ATAD2B: variants seen among roughly 807,000 people sequenced by gnomAD.
The protein encoded by ATAD2B is ATPase family AAA domain-containing protein 2B.
Under a neutral mutation model 167.6 loss-of-function variants are expected in ATAD2B, and 40 were observed. The observed-to-expected ratio is 0.24, with a 90% CI of 0.19 to 0.31. The LOEUF (loss-of-function observed/expected upper bound fraction) is 0.31, where lower values mean the gene tolerates loss of function less well. ATAD2B is among the 10% of genes least tolerant of loss of function. ATAD2B has a pLI of 1.00. For synonymous variants in ATAD2B, 579 were observed against 596.5 expected, an observed-to-expected ratio of 0.97 and a Z score of 0.43; for missense variants, 1,242 against 1,757.2, an observed-to-expected ratio of 0.71 and a Z score of 5.24.
At chr2:23,873,467 T>C (rs1469190486) in intron 8 of ATAD2B, among the ~76,000 whole-genome samples, 10 of 152,244 alleles carry the variant, frequency 6.6e-5, no homozygotes, top group East Asian at 3.8e-4. Flanking sequence ...TGTTTGCACA[T>C]TGCATATGGC....
chr2:23,898,481 C>T (rs1323788819), intron 1 of ATAD2B, among the ~76,000 whole-genome samples: 2 of 152,178 alleles, frequency 1.3e-5, no homozygotes, highest in African/African-American at 4.8e-5. Flanking sequence ...CCAGACTGAA[C>T]TGATGTAGAC....
intron 1 of ATAD2B, among the ~76,000 whole-genome samples, chr2:23,911,700 A>G (rs1404153925): frequency 6.6e-6 from 1 of 152,018 alleles, no homozygotes; most frequent in East Asian, 1.9e-4. Context: ...ACTTAAAACC[A>G]GCAGTGACTC....
chr2:23,702,282 C>G, the ATAD2B span, among the ~76,000 whole-genome samples: 3 of 152,198 alleles, frequency 2.0e-5, no homozygotes, highest in Non-Finnish European at 4.4e-5. Flanking sequence ...CATCATAGTT[C>G]AGCCAGCTTA....
At chr2:23,715,678 A>G in the ATAD2B span, among the ~76,000 whole-genome samples, 6 of 152,226 alleles carry the variant, frequency 3.9e-5, no homozygotes, top group Non-Finnish European at 7.3e-5. Context: ...TTCTAGCCAT[A>G]AAATCTTGAG....
chr2:23,837,724 A>G (rs566273079), intron 13 of ATAD2B, among the ~76,000 whole-genome samples: 1 of 152,362 alleles, frequency 6.6e-6, no homozygotes, highest in East Asian at 1.9e-4. Context: ...TTTAATAGAT[A>G]GCAATCTAGG....
intron 6 of ATAD2B, among the ~76,000 whole-genome samples, chr2:23,882,637 T>C (rs766575386): frequency 3.0e-4 from 44 of 146,948 alleles, no homozygotes; most frequent in Non-Finnish European, 5.1e-4. Context: ...TGAAACCCCA[T>C]CTCTACAAAA....
At chr2:23,826,356 A>G (rs1021773847) in intron 15 of ATAD2B, among the ~76,000 whole-genome samples, 3 of 152,180 alleles carry the variant, frequency 2.0e-5, no homozygotes, top group Non-Finnish European at 4.4e-5. Context: ...TTCACTCTCA[A>G]AGCGTCCTTG....
chr2:23,814,514 G>A (rs749479067), intron 17 of ATAD2B, among the ~76,000 whole-genome samples: 1 of 152,168 alleles, frequency 6.6e-6, no homozygotes, highest in Non-Finnish European at 1.5e-5. Context: ...AAACCCAAAA[G>A]ATTGGAGGTA....
At chr2:23,875,163 G>C (rs774579631) in intron 8 of ATAD2B, among the ~76,000 whole-genome samples, 60 of 151,848 alleles carry the variant, frequency 4.0e-4, no homozygotes, top group Non-Finnish European at 6.9e-4. Context: ...TCTGCTAAGA[G>C]ACCAAAGAGC....
intron 13 of ATAD2B, among the ~76,000 whole-genome samples, chr2:23,843,555 C>T (rs778493897): frequency 2.0e-5 from 3 of 152,178 alleles, no homozygotes; most frequent in East Asian, 1.9e-4. Flanking sequence ...ACTCACTAAG[C>T]GGAAGAGTCG....
chr2:23,894,391 G>A (rs561445432), intron 2 of ATAD2B, among the ~76,000 whole-genome samples: 63 of 151,586 alleles, frequency 4.2e-4, no homozygotes, highest in Non-Finnish European at 9.0e-4. Context: ...TGAGGCAGGA[G>A]AATCACTTGA....
At chr2:23,914,221 T>G (rs1308495935) in intron 1 of ATAD2B, among the ~76,000 whole-genome samples, 1 of 152,174 alleles carries the variant, frequency 6.6e-6, no homozygotes, top group Non-Finnish European at 1.5e-5. Flanking sequence ...AAGGACAGGT[T>G]GTCTATCAGA....
the ATAD2B span, among the ~76,000 whole-genome samples, chr2:23,682,097 G>A: frequency 6.6e-6 from 1 of 151,906 alleles, no homozygotes; most frequent in Admixed American, 6.5e-5. The surrounding 1 kb of genome is among the most constrained non-coding windows in gnomAD (Gnocchi z 4.1). Context: ...AAACCTGTTA[G>A]TGGTCTCCAT....
chr2:23,884,984 C>A, intron 5 of ATAD2B, 111 bp from the exon 6 acceptor site: 2 of 467,404 alleles, frequency 4.3e-6, no homozygotes, highest in Non-Finnish European at 7.3e-6. Flanking sequence ...CACCTATTTG[C>A]GTGCCATAGA....
At chr2:23,916,805 T>A (rs1231901220) in intron 1 of ATAD2B, among the ~76,000 whole-genome samples, 2 of 152,178 alleles carry the variant, frequency 1.3e-5, no homozygotes, top group African/African-American at 4.8e-5. Flanking sequence ...ACACAGGAAG[T>A]GAGCCTGGAA....
At position 23,887,978 on chromosome 2, in the gene ATAD2B, T is replaced by G. The variant is rs1198677793; in HGVS notation, c.426A>C (p.Arg142=). 3 of 1,586,272 alleles carry G rather than the reference T, an allele frequency of 1.9e-6. No homozygotes were observed. Among genetic ancestry groups the G allele is most frequent in the Admixed American group, 3.8e-5 (2 of 53,208 alleles). The change falls in exon 4 of 28, where the codon CGA becomes CGC. Residue 142 remains arginine (R), a synonymous_variant. Transcript: ENST00000238789. ...LPNGHSGLSL[R]SHPLRGEKKG... ...TCTTTTCCCCTCGAAGGGGATGGCT[T>G]CGAAGGGCTACAAGAAGAGAGATAT... is the stretch of plus-strand genomic sequence containing the variant.
chr2:23,739,517 A>C, the ATAD2B span, among the ~76,000 whole-genome samples: 1 of 152,246 alleles, frequency 6.6e-6, no homozygotes, highest in Non-Finnish European at 1.5e-5. Context: ...ACAAAGACAC[A>C]ACATACCAGA....
intron 13 of ATAD2B, among the ~76,000 whole-genome samples, chr2:23,853,429 A>G (rs1456880884): frequency 1.3e-5 from 2 of 152,248 alleles, no homozygotes; most frequent in African/African-American, 2.4e-5. Context: ...GCAGTAAGCA[A>G]TTAGAAAATA....
chr2:23,736,092 A>C, the ATAD2B span, among the ~76,000 whole-genome samples: 1 of 152,214 alleles, frequency 6.6e-6, no homozygotes, highest in Non-Finnish European at 1.5e-5. Context: ...TAATCAAGCA[A>C]ACTAGAAAGT....
Sources: gnomAD v4.1 joint callset for allele counts (sites outside exome capture counted in the v4.1 genomes callset) on GRCh38, gnomAD v4.1.1 for gene constraint, Gnocchi (gnomAD v3.1) non-coding constraint, MANE v1.5 for transcripts, NCBI Gene and HGNC (gene_info 2026-07-23, HGNC 2026-07-21) for gene names.